The following TRIM11 variants were observed in gnomAD, a reference collection of about 807,000 sequenced individuals.
TRIM11 encodes the protein tripartite motif containing 11.
Under a neutral mutation model 33.4 loss-of-function variants are expected in TRIM11, and 15 were observed. The observed-to-expected ratio is 0.45, with a 90% confidence interval of 0.30 to 0.69. The LOEUF (loss-of-function observed/expected upper bound fraction) is 0.69, where lower values mean the gene tolerates loss of function less well. Among genes scored for constraint, TRIM11 ranks in the 30% least tolerant of loss-of-function variants. TRIM11 has a pLI of 0.08. For synonymous variants in TRIM11, 281 were observed against 302.6 expected (o/e 0.93, Z 0.74); for missense variants, 499 against 667.6 (o/e 0.75, Z 2.78).
At position 228,401,472 on chromosome 1, in the gene TRIM11, C is replaced by G. The variant is rs1433859731; in HGVS notation, c.505-278G>C. 6.6e-6 allele frequency among the ~76,000 whole-genome samples: 1 copy of G among 152,092 alleles called. No homozygotes were observed. Among genetic ancestry groups the G allele is most frequent in the Non-Finnish European group, 1.5e-5 (1 of 68,008 alleles). On this transcript the variant is annotated intron_variant, in intron 2 of 5. Transcript: ENST00000284551. This position sits in a 1 kb window ranked among gnomAD's most constrained non-coding sequence, Gnocchi z 6.1. ...CTACCACACAGGACTGGCTAGACCCCAAATCTAAACCCAGGGCCGACTAGA... is the reference window on the plus strand; with the variant it reads ...CTACCACACAGGACTGGCTAGACCCGAAATCTAAACCCAGGGCCGACTAGA...
rs61827274 is a variant in TRIM11 at position 228,402,432 on chromosome 1, T to C, written c.409-271A>G. 342 of 294,294 alleles carry C rather than the reference T, an allele frequency of 1.2e-3. 1 individual carries two copies. The highest frequency in any genetic ancestry group is 1.9e-3 in the Non-Finnish European group (296 of 156,610). The allele number at this position is 294,294 out of a possible 1,614,324, so 18.2% of individuals were successfully genotyped here. ...CGACCTTGCTACCCTAGCCCAGGCC[T>C]CACCCCCCTTTGCAAAGCTACCTCA... On this transcript the variant is annotated intron_variant, in intron 1 of 5. Transcript: ENST00000284551.
In TRIM11 at chr1:228,395,121, C is replaced by A; in HGVS notation, c.991G>T (p.Val331Leu). ...GAGGTGAAGCGCTCCTGGCCCAGCA[C>A]GCAGGGGCCGGGGTCAAAGCGCTCT... ...SPERFDPGPC[V>L]LGQERFTSGR... is the part of the protein sequence containing the mutation. Residue 331 changes from valine (V) to leucine (L), a missense_variant, in exon 6 of 6, where the codon GTG becomes TTG. Transcript: ENST00000284551. The surrounding 1 kb of genome is among the most constrained non-coding windows in gnomAD (Gnocchi z 4.8). 1.3e-6 allele frequency: 2 copies of A among 1,585,124 alleles called. No homozygotes were observed. Among genetic ancestry groups the A allele is most frequent in the Admixed American group, 1.7e-5 (1 of 57,898 alleles).
chr1:228,398,341 C>A (rs1260290714), intron 3 of TRIM11, among the ~76,000 whole-genome samples: 1 of 152,102 alleles, frequency 6.6e-6, no homozygotes, highest in Non-Finnish European at 1.5e-5. Flanking sequence ...ACACTCTAGG[C>A]CCCAAAAATT....
At position 228,400,776 on chromosome 1, in the gene TRIM11, G is replaced by A. The variant is rs574961402; in HGVS notation, c.735+188C>T. 6.6e-6 allele frequency among the ~76,000 whole-genome samples: 1 copy of A among 152,296 alleles called. No homozygotes were observed. The highest frequency in any genetic ancestry group is 6.5e-5 in the Admixed American group (1 of 15,294). On this transcript the variant is annotated intron_variant, in intron 3 of 5. Transcript: ENST00000284551. The surrounding 1 kb of genome is among the most constrained non-coding windows in gnomAD (Gnocchi z 4.5). ...CTTTCTCGGCACGTGGGTTTTGGGG[G>A]TGGGACATCTGTCCTGCTGCTGACT...
chr1:228,397,520 C>T (rs2074996962), intron 3 of TRIM11: 2 of 289,196 alleles, frequency 6.9e-6, no homozygotes, highest in Non-Finnish European at 1.3e-5. Flanking sequence ...GGCACACATC[C>T]CAGCCTTCAG....
At position 228,395,533 on chromosome 1, in the gene TRIM11, TA is replaced by T; in HGVS notation, c.860-282del. ...TCTTGGTTGCTTTTTTTTTTTTTTT[TA>T]AAGAGGCAGGGTCTTGCTCTGTGGC... On this transcript the variant is annotated intron_variant, in intron 5 of 5. Transcript: ENST00000284551. The surrounding 1 kb of genome is among the most constrained non-coding windows in gnomAD (Gnocchi z 4.8). 63 of 267,240 alleles carry T rather than the reference TA, an allele frequency of 2.4e-4. No homozygotes were observed. Among genetic ancestry groups the T allele is most frequent in the East Asian group, 4.5e-4 (7 of 15,472 alleles). 16.6% of individuals were successfully genotyped at this position (267,240 alleles called of 1,614,324 possible).
intron 1 of TRIM11, chr1:228,405,837 ACC>A (rs781212479): frequency 1.6e-5 from 5 of 304,424 alleles, no homozygotes; most frequent in East Asian, 1.6e-4. Context: ...CCCCCACTCC[ACC>A]ACCTTCCACC....
In TRIM11 at chr1:228,394,958, C is replaced by A; in HGVS notation, c.1154G>T (p.Ser385Ile). The A allele has an allele frequency of 6.2e-7, 1 of 1,614,170 alleles. No homozygotes were observed. Among genetic ancestry groups the A allele is most frequent in the Non-Finnish European group, 8.5e-7 (1 of 1,180,028 alleles). The change falls in exon 6 of 6, where the codon AGC becomes ATC. Residue 385 changes from serine (S) to isoleucine (I), a missense_variant. Coordinates refer to ENST00000284551, the MANE Select transcript of TRIM11 (RefSeq NM_145214.3). The surrounding 1 kb of genome is among the most constrained non-coding windows in gnomAD (Gnocchi z 6.2). ...GGCCCGTTCCGAGGAATTGTAATAGCTCCCCAGGAAGACCAGGATCCAGAA... is the reference window on the plus strand; with the variant it reads ...GGCCCGTTCCGAGGAATTGTAATAGATCCCCAGGAAGACCAGGATCCAGAA... ...NGFWILVFLG[S>I]YYNSSERALA...
Position 228,406,194 on chromosome 1 carries a change from T to G in TRIM11, c.368A>C (p.His123Pro). ...CGCGTCCTGCAGCGGCCGCACGCGG[T>G]GCGCCCAGTGCTCCCCAGAGCGCTC... ...ACERSGEHWAHRVRPLQDAAE... is the reference protein window; with the variant it reads ...ACERSGEHWAPRVRPLQDAAE... The change falls in exon 1 of 6, where the codon CAC (histidine) becomes CCC (proline). Residue 123 changes from histidine (H) to proline (P), a missense_variant. Transcript: ENST00000284551. This position sits in a 1 kb window ranked among gnomAD's most constrained non-coding sequence, Gnocchi z 8.2. 6.9e-7 allele frequency: 1 copy of G among 1,443,224 alleles called. No individual in the cohort carries two copies. Among genetic ancestry groups the G allele is most frequent in the Non-Finnish European group, 9.0e-7 (1 of 1,107,148 alleles). The allele number at this position is 1,443,224 out of a possible 1,614,324, so 89.4% of individuals were successfully genotyped here. A position where few individuals can be genotyped will look rare whatever the true frequency, so the allele number is the denominator to read the frequency against.
chr1:228,398,548 C>T (rs973252780), intron 3 of TRIM11, among the ~76,000 whole-genome samples: 27 of 152,112 alleles, frequency 1.8e-4, no homozygotes, highest in African/African-American at 6.3e-4. Flanking sequence ...CAGCCCAGGA[C>T]ATCGAGGCTG....
At position 228,403,814 on chromosome 1, in the gene TRIM11, C is replaced by A. The variant is rs1656312024; in HGVS notation, c.409-1653G>T. 1 of 152,248 alleles carries A rather than the reference C, an allele frequency of 6.6e-6. No individual in the cohort carries two copies. Among genetic ancestry groups the A allele is most frequent in the South Asian group, 2.1e-4 (1 of 4,830 alleles). The allele number at this position is 152,248 out of a possible 1,614,324, so 9.4% of individuals were successfully genotyped here. ...GGATTACAGGTGCCCATCACCACAC[C>A]CAGCTAATTTTTGTATTTTTTGTAC... On this transcript the variant is annotated intron_variant, in intron 1 of 5. Coordinates refer to ENST00000284551, the MANE Select transcript of TRIM11 (RefSeq NM_145214.3). This position sits in a 1 kb window ranked among gnomAD's most constrained non-coding sequence, Gnocchi z 4.8.
At chr1:228,399,887 A>AC (rs1278344452) in intron 3 of TRIM11, among the ~76,000 whole-genome samples, 2 of 140,682 alleles carry the variant, frequency 1.4e-5, no homozygotes, top group Admixed American at 6.8e-5. Flanking sequence ...TACAAAAAAA[A>AC]AAACAAAAAA....
Position 228,394,802 on chromosome 1 carries a change from G to A in TRIM11, c.1310C>T (p.Thr437Met), listed in dbSNP as rs199808524. Residue 437 changes from threonine (T) to methionine (M), a missense_variant, in exon 6 of 6, where the codon ACG (threonine) becomes ATG (methionine). Coordinates refer to ENST00000284551, the MANE Select transcript of TRIM11 (RefSeq NM_145214.3). The surrounding 1 kb of genome is among the most constrained non-coding windows in gnomAD (Gnocchi z 6.2). ...FIFPEIPFSGTLRPLFSPLSS... is the reference protein window; with the variant it reads ...FIFPEIPFSGMLRPLFSPLSS... ...CAGGGGTGAGAAGAGGGGCCGCAGC[G>A]TCCCCGAGAAGGGGATCTCGGGAAA... is the stretch of plus-strand genomic sequence containing the variant. 3.0e-5 allele frequency: 49 copies of A among 1,614,088 alleles called. No homozygotes were observed. The East Asian group carries it at 4.9e-4, about 16-fold the overall frequency.
Position 228,406,080 on chromosome 1 carries a change from A to AACAAC in TRIM11, c.408+73_408+74insGTTGT. On this transcript the variant is annotated intron_variant, in intron 1 of 5. Transcript: ENST00000284551. The surrounding 1 kb of genome is among the most constrained non-coding windows in gnomAD (Gnocchi z 8.2). ...GATTACTCCCGGAGCAGTCCCCCAA[A>AACAAC]CCTCCCACCCGCCCAGGCCTCCCCA... The AACAAC allele has an allele frequency of 4.8e-5, 61 of 1,277,886 alleles. No individual in the cohort carries two copies. The highest frequency in any genetic ancestry group is 6.1e-5 in the South Asian group (3 of 49,336). 79.2% of individuals were successfully genotyped at this position (1,277,886 alleles called of 1,614,324 possible).
At position 228,406,425 on chromosome 1, in the gene TRIM11, T is replaced by A. The variant is rs1656420365; in HGVS notation, c.137A>T (p.Gln46Leu). ...GGGGCACGCGTACGGGCCCTCGGGC[T>A]GGCCCCAGCAGCGCCGGATGCACTC... ...CRECIRRCWG[Q>L]PEGPYACPEC... The change falls in exon 1 of 6, where the codon CAG (glutamine) becomes CTG (leucine). Residue 46 changes from glutamine (Q) to leucine (L), a missense_variant. Physicochemically the swap from Gln to Leu is moderately radical, Grantham distance 113. Coordinates refer to ENST00000284551, the MANE Select transcript of TRIM11 (RefSeq NM_145214.3). The surrounding 1 kb of genome is among the most constrained non-coding windows in gnomAD (Gnocchi z 8.2). The A allele has an allele frequency of 6.3e-7, 1 of 1,583,144 alleles. No homozygotes were observed. Among genetic ancestry groups the A allele is most frequent in the Non-Finnish European group, 8.5e-7 (1 of 1,170,152 alleles).
chr1:228,397,259 C>G (rs1417104384), intron 3 of TRIM11, 94 bp from the exon 4 acceptor site: 3 of 1,463,978 alleles, frequency 2.0e-6, no homozygotes, highest in African/African-American at 2.8e-5. Flanking sequence ...CCCCGTCCCC[C>G]TCTCCTACAT....
At position 228,406,642 on chromosome 1, in the gene TRIM11, A is replaced by G. The variant is rs1574090211; in HGVS notation, c.-81T>C. On this transcript the variant is annotated 5_prime_UTR_variant, in exon 1 of 6. Transcript: ENST00000284551. The surrounding 1 kb of genome is among the most constrained non-coding windows in gnomAD (Gnocchi z 8.2). The stretch of plus-strand genomic sequence containing the variant: ...TCGGCAGCTCGCGGGGACGCGGGGT[A>G]TCCGGGTGCGGCGGCGCAGGCTCGG... The G allele has an allele frequency of 1.8e-5, 24 of 1,304,832 alleles. No individual in the cohort carries two copies. In the East Asian group the frequency reaches 7.0e-4, roughly 38 times the overall value. 80.8% of individuals were successfully genotyped at this position (1,304,832 alleles called of 1,614,324 possible).
At chr1:228,399,859 A>C (rs1656108533) in intron 3 of TRIM11, among the ~76,000 whole-genome samples, 2 of 128,288 alleles carry the variant, frequency 1.6e-5, no homozygotes, top group African/African-American at 5.9e-5. Context: ...CTCTGACTGC[A>C]CTTGTACCCC....
chr1:228,402,443 T>C (rs150934848), intron 1 of TRIM11: 264 of 280,186 alleles, frequency 9.4e-4, no homozygotes, highest in Non-Finnish European at 1.4e-3. Flanking sequence ...CACCCCCCTT[T>C]GCAAAGCTAC....
Sources: gnomAD v4.1 joint callset for allele counts (sites outside exome capture counted in the v4.1 genomes callset) on GRCh38, gnomAD v4.1.1 for gene constraint, Gnocchi (gnomAD v3.1) non-coding constraint, MANE v1.5 for transcripts, NCBI Gene and HGNC (gene_info 2026-07-23, HGNC 2026-07-21) for gene names.